FAM90A1: variants seen among roughly 807,000 people sequenced by gnomAD.
The protein encoded by FAM90A1 is protein FAM90A1.
In FAM90A1, 10 loss-of-function variants were observed where a neutral mutation model predicts 14.8. The ratio of observed to expected loss-of-function variants is 0.67; its 90% CI spans 0.42 to 1.14. The LOEUF is 1.14. FAM90A1 is among the 50% of genes most tolerant of loss of function. FAM90A1 has a pLI of 0.00. For synonymous variants in FAM90A1, 236 were observed against 248.4 expected (o/e 0.95, Z 0.47); for missense variants, 567 against 602.8 (o/e 0.94, Z 0.62).
intron 6 of FAM90A1, among the ~76,000 whole-genome samples, chr12:8,222,991 G>A (rs1032126652): frequency 2.6e-5 from 4 of 152,226 alleles, no homozygotes; most frequent in African/African-American, 4.8e-5. Context: ...ATGTGTAGCT[G>A]ATCTAAGCAC....
rs71042351 is a variant in FAM90A1 at position 8,226,802 on chromosome 12, CTTTTTTTT to C, written c.-420-332_-420-325del. On this transcript the variant is annotated intron_variant, in intron 1 of 6. Coordinates refer to ENST00000538603, the MANE Select transcript of FAM90A1 (RefSeq NM_018088.3). ...TTTTTTCTTGTTTCTTCATTGATGT[CTTTTTTTT>C]TTTTTTTTTTTTTTTTTGAGACACA... 4.1e-4 allele frequency among the ~76,000 whole-genome samples: 33 copies of C among 79,806 alleles called. No homozygotes were observed. The South Asian group carries it at 0.012, about 29-fold the overall frequency. The allele number at this position is 79,806 out of a possible 152,430, so 52.4% of individuals were successfully genotyped here. A position where few individuals can be genotyped will look rare whatever the true frequency, so the allele number is the denominator to read the frequency against.
In FAM90A1 at chr12:8,221,989, T is replaced by G; in HGVS notation, c.1228A>C (p.Thr410Pro). The stretch of plus-strand genomic sequence containing the variant: ...TCAGGAGAGTGAAATGAGGGGGCCG[T>G]CAGCAGGCTGGAGCTCCAGCGTCCG... ...ENGRWSSSLLTAPSFHSPEKP... is the reference protein window; with the variant it reads ...ENGRWSSSLLPAPSFHSPEKP... Residue 410 changes from threonine to proline, a missense_variant, in exon 7 of 7, where the codon ACG (threonine) becomes CCG (proline). By Grantham distance (38) the Thr-to-Pro change is conservative. Coordinates refer to ENST00000538603, the MANE Select transcript of FAM90A1 (RefSeq NM_018088.3). 1 of 1,597,614 alleles carries G rather than the reference T, an allele frequency of 6.3e-7. No individual in the cohort carries two copies. Among genetic ancestry groups the G allele is most frequent in the Non-Finnish European group, 8.5e-7 (1 of 1,179,620 alleles).
chr12:8,224,320 C>T (rs1271671957), intron 4 of FAM90A1, 105 bp from the exon 5 acceptor site: 9 of 1,027,514 alleles, frequency 8.8e-6, no homozygotes, highest in Non-Finnish European at 1.2e-5. Context: ...AATAAGGATT[C>T]CAAAGAGGGG....
At chr12:8,225,545 C>G (rs370019255) in intron 3 of FAM90A1, among the ~76,000 whole-genome samples, 10 of 152,202 alleles carry the variant, frequency 6.6e-5, no homozygotes, top group African/African-American at 2.4e-4. Context: ...GTATCAATGT[C>G]TTACACGGCT....
In FAM90A1 at chr12:8,221,812, AC is replaced by A; in HGVS notation, c.*9del. On this transcript the variant is annotated 3_prime_UTR_variant, in exon 7 of 7. Coordinates refer to ENST00000538603, the MANE Select transcript of FAM90A1 (RefSeq NM_018088.3). ...AGCTGGAGGCCAAGGAGCCCCTGCCACCTGCAGTCTCACTCCAGGTCAGAAT... is the reference window on the plus strand; with the variant it reads ...AGCTGGAGGCCAAGGAGCCCCTGCCACTGCAGTCTCACTCCAGGTCAGAAT... The A allele has an allele frequency of 1.3e-6, 2 of 1,594,706 alleles. No homozygotes were observed. Among genetic ancestry groups the A allele is most frequent in the Non-Finnish European group, 1.7e-6 (2 of 1,178,334 alleles).
chr12:8,223,683 G>A (rs886669011), intron 5 of FAM90A1, 126 bp from the exon 6 acceptor site: 41 of 711,566 alleles, frequency 5.8e-5, no homozygotes, highest in East Asian at 5.6e-4. Context: ...TGCCCTTTCC[G>A]CCTCTGCACC....
At chr12:8,222,982 T>C (rs1948868229) in intron 6 of FAM90A1, among the ~76,000 whole-genome samples, 198 bp from the exon 7 acceptor site, 1 of 152,268 alleles carries the variant, frequency 6.6e-6, no homozygotes. Flanking sequence ...TCTCGAGCTA[T>C]GTGTAGCTGA....
intron 4 of FAM90A1, 118 bp downstream of exon 4, chr12:8,224,592 C>T (rs1948899805): frequency 6.7e-6 from 6 of 895,724 alleles, no homozygotes; most frequent in Non-Finnish European, 1.0e-5. Context: ...GAAAAGCAAC[C>T]TGGGTGGTGG....
intron 4 of FAM90A1, 118 bp from the exon 5 acceptor site, chr12:8,224,333 A>G (rs1163640111): frequency 9.8e-6 from 9 of 920,128 alleles, no homozygotes; most frequent in Non-Finnish European, 1.5e-5. Context: ...AAGAGGGGAC[A>G]CCGGCATGGG....
chr12:8,227,543 G>C lies in FAM90A1; in HGVS notation c.-484C>G, dbSNP rs1346387508. ...GTGCAGGGCTATGCGTCAGGGGTCA[G>C]GGTGCACACATCCCTGCAGGTCTCG... is the stretch of plus-strand genomic sequence containing the variant. On this transcript the variant is annotated 5_prime_UTR_variant, in exon 1 of 7. Transcript: ENST00000538603. 10 of 1,035,080 alleles carry C rather than the reference G, an allele frequency of 9.7e-6. No individual in the cohort carries two copies. In the African/African-American group the frequency reaches 1.7e-4, roughly 17 times the overall value. 64.1% of individuals were successfully genotyped at this position (1,035,080 alleles called of 1,614,324 possible).
At chr12:8,223,816 C>T (rs777660783) in intron 5 of FAM90A1, among the ~76,000 whole-genome samples, 200 bp downstream of exon 5, 1 of 152,326 alleles carries the variant, frequency 6.6e-6, no homozygotes, top group East Asian at 1.9e-4. Context: ...GCGCCCCCGC[C>T]CCTCCCCGTC....
rs760515587 is a variant in FAM90A1, at chr12:8,222,377, T to G, written c.840A>C (p.Leu280=). 1.9e-6 allele frequency: 3 copies of G among 1,611,804 alleles called. No individual in the cohort carries two copies. The highest frequency in any genetic ancestry group is 2.5e-6 in the Non-Finnish European group (3 of 1,179,868). ...CTGGCCCGAAGCTGAGATTGGAGCC[T>G]AGGCCCAAGCTGTGTGTGGCGGCTG... The part of the protein sequence containing the change: ...CPPAATHSLG[L]GSNLSFGPGA... The change falls in exon 7 of 7, where the codon CTA becomes CTC. Residue 280 remains leucine, a synonymous_variant. Transcript: ENST00000538603.
intron 6 of FAM90A1, 55 bp downstream of exon 6, chr12:8,223,394 A>G (rs1438673256): frequency 7.1e-6 from 8 of 1,130,318 alleles, no homozygotes; most frequent in South Asian, 1.2e-5. Context: ...CTGAAAGGAA[A>G]TCAACCAGGG....
chr12:8,225,566 C>T (rs1466328769), intron 3 of FAM90A1, among the ~76,000 whole-genome samples: 4 of 151,696 alleles, frequency 2.6e-5, no homozygotes, highest in African/African-American at 9.8e-5. Context: ...GAAGGGCAAA[C>T]CACCCTTTTT....
At chr12:8,224,977 G>A (rs375981005) in intron 3 of FAM90A1, 89 bp from the exon 4 acceptor site, 11 of 1,031,136 alleles carry the variant, frequency 1.1e-5, no homozygotes, top group African/African-American at 1.7e-5. Context: ...ATTCCTTGCC[G>A]GTGTGGTCAT....
At chr12:8,227,217 A>G (rs2970175) in intron 1 of FAM90A1, among the ~76,000 whole-genome samples, 52,140 of 150,980 alleles carry the variant, frequency 0.35, 7,666 homozygotes, top group East Asian at 0.5. Flanking sequence ...GGGGAAAAGC[A>G]GAAGCGGTGT....
Position 8,227,389 on chromosome 12 carries a change from GGGCAGC to G in FAM90A1, c.-421+85_-421+90del, listed in dbSNP as rs1472561164. 1.3e-5 allele frequency: 5 copies of G among 372,144 alleles called. No individual in the cohort carries two copies. The Admixed American group carries it at 2.0e-4, about 15-fold the overall frequency. 23.1% of individuals were successfully genotyped at this position (372,144 alleles called of 1,614,324 possible). On this transcript the variant is annotated intron_variant, in intron 1 of 6. Transcript: ENST00000538603. The stretch of plus-strand genomic sequence containing the variant: ...GCCATGTGATCTGGGGGCTGTGTCA[GGGCAGC>G]GGGAGTCCTCGTGTCCCCTGCGCAC...
At position 8,222,112 on chromosome 12, in the gene FAM90A1, A is replaced by G. The variant is rs763304740; in HGVS notation, c.1105T>C (p.Cys369Arg). The G allele has an allele frequency of 1.1e-5, 18 of 1,611,434 alleles. No individual in the cohort carries two copies. The African/African-American group carries it at 2.1e-4, about 19-fold the overall frequency. ...GTGCAGGCCTGGGCAGTAGGCAGGC[A>G]AGGTCTGCTGTGCGGAGGCTGCCGG... is the stretch of plus-strand genomic sequence containing the variant. ...GDRQPPHSRP[C>R]LPTAQACTMS... Residue 369 changes from cysteine (C) to arginine (R), a missense_variant, in exon 7 of 7, where the codon TGC becomes CGC. Physicochemically the swap from Cys to Arg is radical, Grantham distance 180. Transcript: ENST00000538603.
rs373760588 is a variant in FAM90A1 at position 8,222,027 on chromosome 12, C to T, written c.1190G>A (p.Arg397Gln). The part of the protein sequence containing the change: ...DGAQPLRVLF[R>Q]RLENGRWSSS... ...GCTCCAGCGTCCGTTTTCCAGTCTC[C>T]GAAAGAGCACTCTGAGAGGCTGGGC... The change falls in exon 7 of 7, where the codon CGG becomes CAG. Residue 397 changes from arginine (R) to glutamine (Q), a missense_variant. Arg to Gln is a conservative substitution (Grantham distance 43). Transcript: ENST00000538603. 1.1e-5 allele frequency: 18 copies of T among 1,601,730 alleles called. No homozygotes were observed. The highest frequency in any genetic ancestry group is 5.3e-5 in the African/African-American group (4 of 74,840).
Sources: allele counts gnomAD v4.1 joint callset (sites outside exome capture counted in the v4.1 genomes callset), GRCh38; gene constraint gnomAD v4.1.1; transcripts MANE v1.5; gene names NCBI Gene and HGNC (gene_info 2026-07-23, HGNC 2026-07-21).